ARHGAP27: variants seen among roughly 807,000 people sequenced by gnomAD.
ARHGAP27 encodes the protein rho GTPase-activating protein 27.
ARHGAP27 carries 53 observed loss-of-function variants against 102.0 expected under a neutral mutation model. The ratio of observed to expected loss-of-function variants is 0.52; its 90% CI spans 0.42 to 0.65. The LOEUF is 0.65. ARHGAP27 is among the 30% of genes least tolerant of loss of function. ARHGAP27 has a pLI of 0.00. For missense variants in ARHGAP27, 1,117 were observed against 1,256.2 expected (o/e 0.89, Z 1.68); for synonymous variants, 525 against 542.8 (o/e 0.97, Z 0.46).
intron 4 of ARHGAP27, among the ~76,000 whole-genome samples, chr17:45,422,981 G>A (rs1446177781): frequency 6.6e-6 from 1 of 152,078 alleles, no homozygotes; most frequent in Non-Finnish European, 1.5e-5. Context: ...AGGAGTTGCA[G>A]ACCAGCCTGG....
chr17:45,406,544 C>T (rs2047188211), intron 4 of ARHGAP27, among the ~76,000 whole-genome samples: 1 of 152,198 alleles, frequency 6.6e-6, no homozygotes, highest in Admixed American at 6.5e-5. Flanking sequence ...AATAAAACAT[C>T]GATAACCCAG....
rs116261712 is a variant in ARHGAP27 at position 45,415,175 on chromosome 17, A to C, written c.658-9092T>G. Reference sequence around the variant, plus strand: ...TTTGAGCCAACTTCTCTGTTCCCTCACTTAGACAATCAGCCCACTGCTTAG... The same window carrying C: ...TTTGAGCCAACTTCTCTGTTCCCTCCCTTAGACAATCAGCCCACTGCTTAG... On this transcript the variant is annotated intron_variant, in intron 4 of 19. Transcript: ENST00000685559. Among the ~76,000 whole-genome samples the C allele has an allele frequency of 2.1e-3, 312 of 150,786 alleles. 1 individual carries two copies. Among genetic ancestry groups the C allele is most frequent in the African/African-American group, 7.3e-3 (297 of 40,936 alleles).
In ARHGAP27 at chr17:45,404,010, A is replaced by G. The variant is rs748281759; in HGVS notation, c.1547+19T>C. ...CCAAGGCCCACCCTGCCCCGGCCTG[A>G]GTGTAGATGGGCTCTCACCGGAGCC... On this transcript the variant is annotated intron_variant, in intron 10 of 19. Coordinates refer to ENST00000685559, the MANE Select transcript of ARHGAP27 (RefSeq NM_001282290.2). The G allele has an allele frequency of 1.9e-6, 3 of 1,613,382 alleles. No homozygotes were observed. The African/African-American group carries it at 4.0e-5, about 22-fold the overall frequency.
At position 45,405,661 on chromosome 17, in the gene ARHGAP27, G is replaced by A. The variant is rs200965408; in HGVS notation, c.1065+15C>T. On this transcript the variant is annotated intron_variant, in intron 5 of 19. Coordinates refer to ENST00000685559, the MANE Select transcript of ARHGAP27 (RefSeq NM_001282290.2). ...GCTCAGAGGTAGAACCGCCCACTCT[G>A]GCCCTGCCCCTCACCCGCGGGTCCC... The A allele has an allele frequency of 5.1e-4, 805 of 1,573,052 alleles. 2 individuals carry two copies. The Middle Eastern group carries it at 8.0e-3, about 16-fold the overall frequency.
Position 45,405,919 on chromosome 17 carries a change from G to T in ARHGAP27, c.822C>A (p.Thr274=). The change falls in exon 5 of 20, where the codon ACC becomes ACA. Residue 274 remains threonine, a synonymous_variant. Coordinates refer to ENST00000685559, the MANE Select transcript of ARHGAP27 (RefSeq NM_001282290.2). ...CGGCAGCCTCAAAGGGCGACTCCCA[G>T]GTGGTAACTCCCGTGTCTGGGTTGT... ...YYYNPDTGVT[T]WESPFEAAEG... 6.5e-7 allele frequency: 1 copy of T among 1,535,966 alleles called. No individual in the cohort carries two copies. Among genetic ancestry groups the T allele is most frequent in the Non-Finnish European group, 8.7e-7 (1 of 1,146,824 alleles).
At chr17:45,408,831 C>G (rs2047545810) in intron 4 of ARHGAP27, 1 of 152,302 alleles carries the variant, frequency 6.6e-6, no homozygotes, top group Non-Finnish European at 1.5e-5. Context: ...GGCGTTCTGC[C>G]TTGGTGGGCA....
At chr17:45,418,338 T>C (rs962021333) in intron 4 of ARHGAP27, among the ~76,000 whole-genome samples, 1 of 150,790 alleles carries the variant, frequency 6.6e-6, no homozygotes, top group Non-Finnish European at 1.5e-5. Flanking sequence ...GTCACTACCA[T>C]ATAAGCGTGT....
At chr17:45,421,595 T>C (rs1257604226) in intron 4 of ARHGAP27, among the ~76,000 whole-genome samples, 1 of 152,038 alleles carries the variant, frequency 6.6e-6, no homozygotes, top group Non-Finnish European at 1.5e-5. Context: ...CAAATGAGGG[T>C]GCTGAGAAAA....
chr17:45,420,762 G>A (rs1156350718), intron 4 of ARHGAP27, among the ~76,000 whole-genome samples: 2 of 151,272 alleles, frequency 1.3e-5, no homozygotes, highest in African/African-American at 4.9e-5. Context: ...AGACCATCCT[G>A]GCTAACACGG....
chr17:45,429,439 G>A (rs2049880773), intron 4 of ARHGAP27, 184 bp downstream of exon 4: 1 of 1,424,080 alleles, frequency 7.0e-7, no homozygotes, highest in Non-Finnish European at 9.1e-7. Flanking sequence ...TTGCTGATGA[G>A]GGACTGCGGG....
Position 45,395,246 on chromosome 17 carries a change from G to T in ARHGAP27, c.*210C>A. ...AACAGGACGTGACGGGAAGGGAAGG[G>T]GGGATGGGGAGTTGGGAAGAAGGAA... On this transcript the variant is annotated 3_prime_UTR_variant, in exon 20 of 20. Transcript: ENST00000685559. The T allele has an allele frequency of 1.6e-6, 1 of 618,848 alleles. No individual in the cohort carries two copies. The highest frequency in any genetic ancestry group is 2.8e-6 in the Non-Finnish European group (1 of 361,494). The allele number at this position is 618,848 out of a possible 1,614,324, so 38.3% of individuals were successfully genotyped here. A position where few individuals can be genotyped will look rare whatever the true frequency, so the allele number is the denominator to read the frequency against.
intron 4 of ARHGAP27, chr17:45,425,642 C>T (rs1258691687): frequency 1.3e-5 from 13 of 985,308 alleles, no homozygotes; most frequent in Admixed American, 6.1e-5. Flanking sequence ...GCGGCGCCTC[C>T]GGGGCTGCTT....
chr17:45,403,444 T>C (rs1054088908), intron 11 of ARHGAP27, among the ~76,000 whole-genome samples, 175 bp downstream of exon 11: 4 of 152,052 alleles, frequency 2.6e-5, no homozygotes, highest in African/African-American at 4.8e-5. Flanking sequence ...CCTGTAGTCC[T>C]AGCTACTCGA....
chr17:45,409,617 C>T (rs2047654453), intron 4 of ARHGAP27: 1 of 152,454 alleles, frequency 6.6e-6, no homozygotes, highest in African/African-American at 2.4e-5. Context: ...ACTGCAGTGT[C>T]CTTCAGGCCC....
Position 45,423,126 on chromosome 17 carries a change from A to G in ARHGAP27, c.657+6497T>C, listed in dbSNP as rs141157174. Among the ~76,000 whole-genome samples the G allele has an allele frequency of 6.2e-3, 938 of 152,290 alleles. 6 individuals are homozygous for G. Among genetic ancestry groups the G allele is most frequent in the African/African-American group, 0.021 (893 of 41,554 alleles). ...AACCCAGGAGGTGGAGGTTGCGGTG[A>G]GCCGAGACCACGCCACTGCACTCCA... On this transcript the variant is annotated intron_variant, in intron 4 of 19. Coordinates refer to ENST00000685559, the MANE Select transcript of ARHGAP27 (RefSeq NM_001282290.2).
At chr17:45,400,732 T>A (rs1291615258) in intron 12 of ARHGAP27, among the ~76,000 whole-genome samples, 1 of 151,868 alleles carries the variant, frequency 6.6e-6, no homozygotes, top group African/African-American at 2.4e-5. Flanking sequence ...CTGGCCAACA[T>A]GGTAAAACCC....
intron 4 of ARHGAP27, among the ~76,000 whole-genome samples, chr17:45,422,742 G>T (rs1341580717): frequency 1.3e-5 from 2 of 152,090 alleles, no homozygotes; most frequent in African/African-American, 2.4e-5. Flanking sequence ...TGAGAGGAAG[G>T]TTTAACATAA....
intron 4 of ARHGAP27, among the ~76,000 whole-genome samples, chr17:45,423,270 C>A (rs2049222575): frequency 6.6e-6 from 1 of 152,050 alleles, no homozygotes; most frequent in Non-Finnish European, 1.5e-5. Context: ...CAAAGAAATT[C>A]ATAATAAATT....
At position 45,404,597 on chromosome 17, in the gene ARHGAP27, T is replaced by G. The variant is rs540098580; in HGVS notation, c.1329+4A>C. The G allele has an allele frequency of 6.2e-7, 1 of 1,613,790 alleles. No individual in the cohort carries two copies. The highest frequency in any genetic ancestry group is 1.1e-5 in the South Asian group (1 of 91,084). ...CCAACACCCCCCTTTCCCCAGGTTG[T>G]TACCTGGGGCAGCTCCCATCGAACA... On this transcript the variant is annotated splice_donor_region_variant and intron_variant, in intron 7 of 19. Coordinates refer to ENST00000685559, the MANE Select transcript of ARHGAP27 (RefSeq NM_001282290.2).
Sources: gnomAD v4.1 joint callset for allele counts (sites outside exome capture counted in the v4.1 genomes callset) on GRCh38, gnomAD v4.1.1 for gene constraint, MANE v1.5 for transcripts, NCBI Gene and HGNC (gene_info 2026-07-23, HGNC 2026-07-21) for gene names.